The following GLIS3 variants were observed in gnomAD, a reference collection of about 807,000 sequenced individuals.
GLIS3 encodes the protein zinc finger protein GLIS3.
A neutral mutation model predicts 78.6 loss-of-function variants in GLIS3; 53 were observed. The observed-to-expected ratio is 0.67, with a 90% CI of 0.54 to 0.85. GLIS3 has a LOEUF of 0.85. Ranked by LOEUF, GLIS3 falls within the 40% of genes least tolerant of loss-of-function variation. The pLI is 0.00. For missense variants in GLIS3, 1,703 were observed against 1,231.1 expected, an observed-to-expected ratio of 1.38 and a Z score of -5.74; for synonymous variants, 684 against 509.9, an observed-to-expected ratio of 1.34 and a Z score of -4.60.
chr9:3,846,662 T>C (rs1274805825), intron 9 of GLIS3, among the ~76,000 whole-genome samples: 1 of 152,210 alleles, frequency 6.6e-6, no homozygotes, highest in Non-Finnish European at 1.5e-5. Context: ...CTGGTATCTA[T>C]GGGCACTGTG....
intron 7 of GLIS3, among the ~76,000 whole-genome samples, chr9:3,887,250 A>G (rs1023328931): frequency 6.6e-6 from 1 of 152,182 alleles, no homozygotes; most frequent in African/African-American, 2.4e-5. Context: ...CCACCCGTAC[A>G]TCCTTGACAT....
At chr9:4,080,411 T>C (rs1469410389) in intron 4 of GLIS3, among the ~76,000 whole-genome samples, 2 of 152,102 alleles carry the variant, frequency 1.3e-5, no homozygotes, top group African/African-American at 4.8e-5. Context: ...GATGCAGTAT[T>C]TAAAATAATC....
rs114808755 is a variant in GLIS3, at chr9:3,939,612, A to G, written c.1711-2423T>C. 1.9e-3 allele frequency among the ~76,000 whole-genome samples: 293 copies of G among 152,322 alleles called. 1 individual carries two copies. Among genetic ancestry groups the G allele is most frequent in the African/African-American group, 6.1e-3 (254 of 41,566 alleles). On this transcript the variant is annotated intron_variant, in intron 4 of 10. Transcript: ENST00000381971. ...GCACCTAGACTGAAAATGACAACAA[A>G]AAGATTATCCGTAAAATAATCAAAA...
intron 4 of GLIS3, among the ~76,000 whole-genome samples, chr9:3,979,548 A>G (rs577539394): frequency 1.3e-5 from 2 of 152,234 alleles, no homozygotes; most frequent in South Asian, 4.1e-4. Flanking sequence ...TATGTGCTTC[A>G]GTTTCTTAAT....
intron 9 of GLIS3, among the ~76,000 whole-genome samples, chr9:3,845,679 T>A (rs1818986527): frequency 1.3e-5 from 2 of 152,178 alleles, no homozygotes; most frequent in South Asian, 4.1e-4. Flanking sequence ...AGCATACCCG[T>A]ACTTGAGCAA....
intron 4 of GLIS3, among the ~76,000 whole-genome samples, chr9:3,979,877 C>A (rs1261476320): frequency 6.6e-6 from 1 of 152,182 alleles, no homozygotes; most frequent in Non-Finnish European, 1.5e-5. Flanking sequence ...GATAAAGTCA[C>A]CACTCTCATG....
intron 2 of GLIS3, among the ~76,000 whole-genome samples, chr9:4,198,774 G>T (rs912040899): frequency 6.6e-6 from 1 of 152,020 alleles, no homozygotes; most frequent in African/African-American, 2.4e-5. Flanking sequence ...GACTGTCCAA[G>T]GTCAATGCTA....
At chr9:4,404,085 G>T in the GLIS3 span, among the ~76,000 whole-genome samples, 3 of 152,026 alleles carry the variant, frequency 2.0e-5, no homozygotes, top group Admixed American at 6.6e-5. Context: ...ATACTTATGA[G>T]AAAAAATAGA....
intron 6 of GLIS3, among the ~76,000 whole-genome samples, chr9:3,912,789 G>A (rs1824239870): frequency 6.6e-6 from 1 of 152,052 alleles, no homozygotes. Flanking sequence ...TAGAAAAACA[G>A]AGAAATGTTA....
the GLIS3 span, among the ~76,000 whole-genome samples, chr9:4,473,818 A>T: frequency 1.3e-5 from 2 of 152,182 alleles, no homozygotes; most frequent in Non-Finnish European, 2.9e-5. Context: ...ATTTTTAAAG[A>T]TGCTATTTAC....
At chr9:4,266,468 T>C (rs909381062) in intron 2 of GLIS3, among the ~76,000 whole-genome samples, 2 of 152,046 alleles carry the variant, frequency 1.3e-5, no homozygotes, top group African/African-American at 4.8e-5. Flanking sequence ...AGTGACTTTG[T>C]TTCTTTCTTC....
At chr9:4,309,506 G>A (rs1336610896) in intron 3 of GLIS3, among the ~76,000 whole-genome samples, 1 of 152,034 alleles carries the variant, frequency 6.6e-6, no homozygotes. Context: ...GTTACAGAAG[G>A]TCATAAAATA....
chr9:4,034,128 C>T (rs1824113390), intron 4 of GLIS3, among the ~76,000 whole-genome samples: 1 of 151,870 alleles, frequency 6.6e-6, no homozygotes, highest in Admixed American at 6.6e-5. Context: ...ATTCAGGAGT[C>T]TAATGTAAGA....
the GLIS3 span, among the ~76,000 whole-genome samples, chr9:4,457,453 C>T: frequency 6.6e-6 from 1 of 152,150 alleles, no homozygotes; most frequent in Non-Finnish European, 1.5e-5. Flanking sequence ...ATTTAGTGAG[C>T]TCTAGCTGAA....
chr9:4,110,447 G>A (rs925595110), intron 4 of GLIS3, among the ~76,000 whole-genome samples: 2 of 152,058 alleles, frequency 1.3e-5, no homozygotes, highest in African/African-American at 4.8e-5. Context: ...CCTTCTAACA[G>A]ATTAACCATT....
chr9:3,921,702 A>G (rs1807069707), intron 6 of GLIS3, among the ~76,000 whole-genome samples: 1 of 152,178 alleles, frequency 6.6e-6, no homozygotes, highest in Non-Finnish European at 1.5e-5. Flanking sequence ...ACAAATGGCA[A>G]ACTACTAAAA....
Position 4,118,487 on chromosome 9 carries a change from T to G in GLIS3, c.991A>C (p.Ile331Leu). Residue 331 changes from isoleucine to leucine, a missense_variant, in exon 4 of 11, where the codon ATC (isoleucine) becomes CTC (leucine). Physicochemically the swap from Ile to Leu is conservative, Grantham distance 5. Transcript: ENST00000381971. The surrounding 1 kb of genome is among the most constrained non-coding windows in gnomAD (Gnocchi z 4.7). The part of the protein sequence containing the change: ...RTSPTSLVAY[I>L]NGSRASPANL... ...GCCGGCGAAGCCCTCGACCCGTTGATGTAGGCCACCAAGGACGTGGGCGAC... is the reference window on the plus strand; with the variant it reads ...GCCGGCGAAGCCCTCGACCCGTTGAGGTAGGCCACCAAGGACGTGGGCGAC... 6.2e-7 allele frequency: 1 copy of G among 1,614,140 alleles called. No individual in the cohort carries two copies. Among genetic ancestry groups the G allele is most frequent in the Non-Finnish European group, 8.5e-7 (1 of 1,180,010 alleles).
intron 2 of GLIS3, among the ~76,000 whole-genome samples, chr9:4,228,717 A>T (rs991340676): frequency 6.6e-6 from 1 of 152,218 alleles, no homozygotes; most frequent in African/African-American, 2.4e-5. Context: ...TGTGAACACA[A>T]TATGAAATGA....
At chr9:4,081,969 G>A (rs1250495928) in intron 4 of GLIS3, among the ~76,000 whole-genome samples, 4 of 152,144 alleles carry the variant, frequency 2.6e-5, no homozygotes, top group Non-Finnish European at 4.4e-5. Context: ...CTTCTTAAAT[G>A]CCATTTCATA....
Sources: allele counts gnomAD v4.1 joint callset (sites outside exome capture counted in the v4.1 genomes callset), GRCh38; gene constraint gnomAD v4.1.1; non-coding constraint Gnocchi (gnomAD v3.1); transcripts MANE v1.5; gene names NCBI Gene and HGNC (gene_info 2026-07-23, HGNC 2026-07-21).